The following CCNF variants were observed in gnomAD, a reference collection of about 807,000 sequenced individuals.
CCNF encodes the protein cyclin-F.
Under a neutral mutation model 85.4 loss-of-function variants are expected in CCNF, and 30 were observed. The ratio of observed to expected loss-of-function variants is 0.35; its 90% CI spans 0.26 to 0.48. CCNF has a LOEUF of 0.48. Ranked by LOEUF, CCNF falls within the 20% of genes least tolerant of loss-of-function variation. The probability of loss-of-function intolerance (pLI) is 0.99; values close to 1 mark genes in which losing one functional copy is unlikely to be tolerated. For missense variants in CCNF, 919 were observed against 1,010.4 expected, an observed-to-expected ratio of 0.91 and a Z score of 1.23; for synonymous variants, 439 against 425.1, an observed-to-expected ratio of 1.03 and a Z score of -0.40.
intron 1 of CCNF, among the ~76,000 whole-genome samples, chr16:2,430,149 G>A (rs1296373603): frequency 6.6e-6 from 1 of 152,144 alleles, no homozygotes; most frequent in Non-Finnish European, 1.5e-5. Context: ...TCAAGAGAGG[G>A]GAGCCGGGAG....
intron 12 of CCNF, 35 bp from the exon 13 acceptor site, chr16:2,449,776 ATCCCCTCCGTCCCCTCC>A: frequency 2.6e-6 from 1 of 383,528 alleles, no homozygotes; most frequent in Non-Finnish European, 4.3e-6. Context: ...CGTCCCCTCC[ATCCCCTCCGTCCCCTCC>A]ATCCCCTCCA....
intron 13 of CCNF, among the ~76,000 whole-genome samples, chr16:2,450,532 G>A (rs2065388994): frequency 6.6e-6 from 1 of 150,480 alleles, no homozygotes; most frequent in Admixed American, 6.6e-5. Context: ...AAAAGTTCCA[G>A]TAGTTTCTTA....
intron 8 of CCNF, 121 bp downstream of exon 8, chr16:2,439,947 G>A (rs2065312528): frequency 1.3e-6 from 1 of 786,502 alleles, no homozygotes; most frequent in African/African-American, 1.7e-5. Context: ...TGGGAGGCCA[G>A]GATTGAGGGA....
rs983906069 is a variant in CCNF, at chr16:2,452,078, C to T, written c.1488-1132C>T. Among the ~76,000 whole-genome samples the T allele has an allele frequency of 3.3e-5, 5 of 152,250 alleles. No individual in the cohort carries two copies. The East Asian group carries it at 5.8e-4, about 18-fold the overall frequency. On this transcript the variant is annotated intron_variant, in intron 13 of 16. Coordinates refer to ENST00000397066, the MANE Select transcript of CCNF (RefSeq NM_001761.3). This position sits in a 1 kb window ranked among gnomAD's most constrained non-coding sequence, Gnocchi z 4.1. ...CGTCAGTGCAGTTTCCTCGTGCGCTCACAGCTTGGGGACTGGAGCTATCCG... is the reference window on the plus strand; with the variant it reads ...CGTCAGTGCAGTTTCCTCGTGCGCTTACAGCTTGGGGACTGGAGCTATCCG...
chr16:2,448,335 C>T (rs1353400246), intron 10 of CCNF, among the ~76,000 whole-genome samples: 1 of 152,222 alleles, frequency 6.6e-6, no homozygotes, highest in Non-Finnish European at 1.5e-5. Context: ...GCCTAACAGC[C>T]TTGCTGCTTT....
In CCNF at chr16:2,453,559, C is replaced by T. The variant is rs1215907856; in HGVS notation, c.1715+22C>T. 6.2e-7 allele frequency: 1 copy of T among 1,613,558 alleles called. No individual in the cohort carries two copies. Among genetic ancestry groups the T allele is most frequent in the Non-Finnish European group, 8.5e-7 (1 of 1,179,884 alleles). ...AACGGTTAGTTACCCTGCGTTCTGG[C>T]TGCGCCATACAATGCTGGCATCCTC... On this transcript the variant is annotated intron_variant, in intron 15 of 16. Transcript: ENST00000397066. The surrounding 1 kb of genome is among the most constrained non-coding windows in gnomAD (Gnocchi z 5.6).
Position 2,431,045 on chromosome 16 carries a change from C to G in CCNF, c.17-85C>G, listed in dbSNP as rs765574299. ...ACCATTAGATCATCTTCAGATGTAA[C>G]TTTTATCCTTTTTTTTTCCCTTCAA... is the stretch of plus-strand genomic sequence containing the variant. On this transcript the variant is annotated intron_variant, in intron 1 of 16. Transcript: ENST00000397066. 6 of 1,388,400 alleles carry G rather than the reference C, an allele frequency of 4.3e-6. No homozygotes were observed. The Admixed American group carries it at 1.0e-4, about 23-fold the overall frequency. 86.0% of individuals were successfully genotyped at this position (1,388,400 alleles called of 1,614,324 possible).
At chr16:2,433,456 T>C (rs1567382328) in intron 3 of CCNF, among the ~76,000 whole-genome samples, 1 of 152,174 alleles carries the variant, frequency 6.6e-6, no homozygotes, top group African/African-American at 2.4e-5. Flanking sequence ...CACCCCAACC[T>C]GCACCCCGCA....
At chr16:2,444,210 C>T (rs549519557) in intron 9 of CCNF, among the ~76,000 whole-genome samples, 2 of 151,890 alleles carry the variant, frequency 1.3e-5, no homozygotes, top group East Asian at 1.9e-4. Context: ...TGAGCCACCG[C>T]GCCCAGCCTT....
chr16:2,443,462 A>G (rs559414280), intron 8 of CCNF, among the ~76,000 whole-genome samples, 187 bp from the exon 9 acceptor site: 18 of 152,152 alleles, frequency 1.2e-4, no homozygotes, highest in Admixed American at 9.8e-4. Context: ...CATGTCATCT[A>G]TTACTTATAC....
chr16:2,456,841 C>T lies in CCNF; in HGVS notation c.2182C>T (p.Leu728=), dbSNP rs766844201. Residue 728 remains leucine (L), a synonymous_variant, in exon 17 of 17, where the codon CTG becomes TTG. Transcript: ENST00000397066. This position sits in a 1 kb window ranked among gnomAD's most constrained non-coding sequence, Gnocchi z 4.5. ...LGALPQPTSV[L]SLDSDSHTQP... ...GGCCCTGCCCCAACCTACCTCAGTG[C>T]TGTCCCTGGACAGTGACTCGCACAC... 1 of 1,614,054 alleles carries T rather than the reference C, an allele frequency of 6.2e-7. No individual in the cohort carries two copies. The highest frequency in any genetic ancestry group is 1.1e-5 in the South Asian group (1 of 91,078).
chr16:2,433,463 C>T (rs1435544534), intron 3 of CCNF, among the ~76,000 whole-genome samples: 2 of 152,372 alleles, frequency 1.3e-5, no homozygotes, highest in African/African-American at 2.4e-5. Context: ...ACCTGCACCC[C>T]GCACCCTGGC....
At chr16:2,444,537 T>C (rs1259119437) in intron 9 of CCNF, among the ~76,000 whole-genome samples, 1 of 151,156 alleles carries the variant, frequency 6.6e-6, no homozygotes, top group Non-Finnish European at 1.5e-5. Context: ...CCTGACCTCG[T>C]GATCCGCCTG....
At position 2,449,933 on chromosome 16, in the gene CCNF, G is replaced by C. The variant is rs773151435; in HGVS notation, c.1487+18G>C. On this transcript the variant is annotated intron_variant, in intron 13 of 16. Transcript: ENST00000397066. ...AAGAAGTGGTGAGTTTTGGCCGGGC[G>C]CAGAGGCTCATGCCTGTAACCCCAG... The C allele has an allele frequency of 1.9e-6, 3 of 1,576,222 alleles. No individual in the cohort carries two copies. The highest frequency in any genetic ancestry group is 1.7e-6 in the Non-Finnish European group (2 of 1,145,782).
chr16:2,439,880 T>C, intron 8 of CCNF, 54 bp downstream of exon 8: 1 of 1,493,552 alleles, frequency 6.7e-7, no homozygotes, highest in South Asian at 1.1e-5. Flanking sequence ...CCTCCAGCCT[T>C]GGGGCAGGAC....
chr16:2,431,224 A>G lies in CCNF; in HGVS notation c.111A>G (p.Glu37=), dbSNP rs151217933. ...PRNLTILSLP[E]DVLFHILKWL... ...ACCTGACCATCTTGAGTCTCCCCGA[A>G]GATGTGCTCTTTCACATCCTGAAAT... is the stretch of plus-strand genomic sequence containing the variant. The change falls in exon 2 of 17, where the codon GAA becomes GAG. Residue 37 remains glutamate, a synonymous_variant. Transcript: ENST00000397066. The G allele has an allele frequency of 1.3e-3, 2,057 of 1,614,158 alleles. 15 individuals carry two copies. In the Middle Eastern group the frequency reaches 0.016, roughly 13 times the overall value.
chr16:2,450,232 G>T (rs945093476), intron 13 of CCNF, among the ~76,000 whole-genome samples: 1 of 149,804 alleles, frequency 6.7e-6, no homozygotes, highest in Non-Finnish European at 1.5e-5. Flanking sequence ...AGGCATGGTG[G>T]CTCACACCTG....
chr16:2,437,902 TTA>T, intron 5 of CCNF, 166 bp from the exon 6 acceptor site: 18 of 467,368 alleles, frequency 3.9e-5, no homozygotes, highest in Middle Eastern at 1.1e-3. Context: ...CTGTTTCCCT[TTA>T]AAAAAAAAAA....
chr16:2,449,035 G>A (rs1298121680), intron 11 of CCNF, 57 bp downstream of exon 11: 1 of 1,345,888 alleles, frequency 7.4e-7, no homozygotes, highest in Non-Finnish European at 1.1e-6. Flanking sequence ...CTGGAGGGTG[G>A]GGGTGGGCAT....
Sources: allele counts gnomAD v4.1 joint callset (sites outside exome capture counted in the v4.1 genomes callset), GRCh38; gene constraint gnomAD v4.1.1; non-coding constraint Gnocchi (gnomAD v3.1); transcripts MANE v1.5; gene names NCBI Gene and HGNC (gene_info 2026-07-23, HGNC 2026-07-21).